Variants in INO80C observed in about 807,000 individuals in gnomAD.
INO80C encodes the protein INO80 complex subunit C.
A neutral mutation model predicts 17.7 loss-of-function variants in INO80C; 17 were observed. That is an observed-to-expected ratio of 0.96 (90% CI 0.66 to 1.44). The LOEUF is 1.44. Among genes scored for constraint, INO80C ranks in the 40% most tolerant of loss-of-function variants. The pLI, the probability that INO80C is intolerant of heterozygous loss-of-function variation, is 0.00. For missense variants in INO80C, 244 were observed against 245.0 expected (o/e 1.00, Z 0.03); for synonymous variants, 96 against 95.8 (o/e 1.00, Z -0.01).
intron 4 of INO80C, among the ~76,000 whole-genome samples, chr18:35,476,499 G>A (rs932393223): frequency 2.6e-5 from 4 of 152,054 alleles, no homozygotes; most frequent in Non-Finnish European, 4.4e-5. Flanking sequence ...TATTGTCTCC[G>A]TTTTTCATAA....
intron 1 of INO80C, among the ~76,000 whole-genome samples, chr18:35,483,261 G>A (rs2045835472): frequency 6.6e-6 from 1 of 151,970 alleles, no homozygotes; most frequent in Non-Finnish European, 1.5e-5. Flanking sequence ...TGTACTCTGG[G>A]AGACCCAGTC....
At chr18:35,490,100 C>G (rs1303790950) in intron 1 of INO80C, among the ~76,000 whole-genome samples, 1 of 152,080 alleles carries the variant, frequency 6.6e-6, no homozygotes. Flanking sequence ...GAAGGTGGAG[C>G]TGGCATGCAG....
chr18:35,479,359 T>C lies in INO80C; in HGVS notation c.320A>G (p.Asn107Ser). 1 of 1,614,162 alleles carries C rather than the reference T, an allele frequency of 6.2e-7. No individual in the cohort carries two copies. The highest frequency in any genetic ancestry group is 8.5e-7 in the Non-Finnish European group (1 of 1,180,012). The change falls in exon 3 of 5, where the codon AAC becomes AGC. Residue 107 changes from asparagine to serine, a missense_variant. By Grantham distance (46) the Asn-to-Ser change is conservative. Coordinates refer to ENST00000334598, the MANE Select transcript of INO80C (RefSeq NM_194281.4). ...VAGKKNRTWK[N>S]LKQILASERA... ...TTCAGAAGCGAGGATTTGTTTCAGG[T>C]TCTTCCAGGTTCTGTTCTTCTTGCC...
In INO80C at chr18:35,471,778, C is replaced by G. The variant is rs566367159; in HGVS notation, c.448-3036G>C. Among the ~76,000 whole-genome samples the G allele has an allele frequency of 1.6e-4, 23 of 148,066 alleles. No homozygotes were observed. The East Asian group carries it at 3.3e-3, about 22-fold the overall frequency. On this transcript the variant is annotated intron_variant, in intron 4 of 4. Coordinates refer to ENST00000334598, the MANE Select transcript of INO80C (RefSeq NM_194281.4). ...CCTCCCTGCACCCCACAACATTCCC[C>G]GGAGTGTGATGTTCCCCTTCCTGTG...
At chr18:35,477,281 AC>A (rs1567980898) in intron 4 of INO80C, among the ~76,000 whole-genome samples, 8 of 152,188 alleles carry the variant, frequency 5.3e-5, no homozygotes, top group African/African-American at 1.4e-4. Flanking sequence ...TATACCATCC[AC>A]ACATGAACGA....
At position 35,497,864 on chromosome 18, in the gene INO80C, T is replaced by G; in HGVS notation, c.11A>C (p.Gln4Pro). The change falls in exon 1 of 5, where the codon CAA becomes CCA. Residue 4 changes from glutamine (Q) to proline (P), a missense_variant. Physicochemically the swap from Gln to Pro is moderately conservative, Grantham distance 76. Transcript: ENST00000334598. MAA[Q>P]IPIVATTSTP... The stretch of plus-strand genomic sequence containing the variant: ...GGAAGTGGTGGCCACAATTGGAATT[T>G]GCGCCGCCATCGCACTCCGAGTCTT... 1 of 1,571,754 alleles carries G rather than the reference T, an allele frequency of 6.4e-7. No homozygotes were observed. The highest frequency in any genetic ancestry group is 8.6e-7 in the Non-Finnish European group (1 of 1,156,336).
intron 4 of INO80C, among the ~76,000 whole-genome samples, chr18:35,474,296 C>T (rs947748268): frequency 7.0e-6 from 1 of 142,164 alleles, no homozygotes; most frequent in Non-Finnish European, 1.5e-5. Context: ...GAACCAGACC[C>T]GAATATGATG....
At chr18:35,475,772 A>T (rs536594298) in intron 4 of INO80C, among the ~76,000 whole-genome samples, 15 of 152,320 alleles carry the variant, frequency 9.8e-5, no homozygotes, top group African/African-American at 2.4e-4. Context: ...AAGCACAGTA[A>T]ATTGTTCCAG....
At chr18:35,472,141 T>C (rs182846662) in intron 4 of INO80C, among the ~76,000 whole-genome samples, 68 of 152,328 alleles carry the variant, frequency 4.5e-4, no homozygotes, top group African/African-American at 1.5e-3. Context: ...CTGGGTCAAA[T>C]GGTATTTCTA....
chr18:35,496,296 A>C (rs139308135), intron 1 of INO80C, among the ~76,000 whole-genome samples: 36 of 152,374 alleles, frequency 2.4e-4, no homozygotes, highest in African/African-American at 8.2e-4. Context: ...CAGATGTACT[A>C]AACGACTCTC....
At chr18:35,491,694 T>C (rs374889253) in intron 1 of INO80C, among the ~76,000 whole-genome samples, 1 of 152,250 alleles carries the variant, frequency 6.6e-6, no homozygotes, top group East Asian at 1.9e-4. Context: ...GACAGACCTT[T>C]AGTCAAAGGG....
At chr18:35,489,377 A>G (rs1421535487) in intron 1 of INO80C, 7 of 260,078 alleles carry the variant, frequency 2.7e-5, no homozygotes, top group South Asian at 7.2e-5. Flanking sequence ...TGGAAGGCGA[A>G]AGGCACGTCT....
chr18:35,473,606 A>C (rs1162619931), intron 4 of INO80C, among the ~76,000 whole-genome samples: 1 of 152,170 alleles, frequency 6.6e-6, no homozygotes, highest in East Asian at 1.9e-4. Flanking sequence ...AGTGGTTAAG[A>C]GGGAAAGAGA....
At chr18:35,492,611 G>C (rs2045943300) in intron 1 of INO80C, among the ~76,000 whole-genome samples, 1 of 152,142 alleles carries the variant, frequency 6.6e-6, no homozygotes, top group African/African-American at 2.4e-5. Flanking sequence ...AGGATTTGTT[G>C]AATTTTTACT....
intron 1 of INO80C, among the ~76,000 whole-genome samples, chr18:35,480,912 G>C (rs866606312): frequency 6.6e-6 from 1 of 152,330 alleles, no homozygotes; most frequent in Middle Eastern, 3.4e-3. Flanking sequence ...AGAAAACTGA[G>C]GCCCAGGGGA....
chr18:35,480,404 T>G, intron 2 of INO80C, 49 bp downstream of exon 2: 13 of 1,262,280 alleles, frequency 1.0e-5, no homozygotes, highest in African/African-American at 1.5e-5. Context: ...GATCAGAGGC[T>G]GAGGTGTGGC....
In INO80C at chr18:35,468,720, C is replaced by G. The variant is rs759530021; in HGVS notation, c.470G>C (p.Ser157Thr). The change falls in exon 5 of 5, where the codon AGC becomes ACC. Residue 157 changes from serine (S) to threonine (T), a missense_variant. Coordinates refer to ENST00000334598, the MANE Select transcript of INO80C (RefSeq NM_194281.4). ...GLLANYTDPQSKLRFSTIEEF... is the reference protein window; with the variant it reads ...GLLANYTDPQTKLRFSTIEEF... Reference sequence around the variant, plus strand: ...TTCAATGGTGCTGAACCGCAGTTTGCTCTGGGGGTCTGTGTAGTTGGCCTG... The same window carrying G: ...TTCAATGGTGCTGAACCGCAGTTTGGTCTGGGGGTCTGTGTAGTTGGCCTG... 6.2e-7 allele frequency: 1 copy of G among 1,614,160 alleles called. No individual in the cohort carries two copies.
chr18:35,482,029 C>G (rs1317733365), intron 1 of INO80C, among the ~76,000 whole-genome samples: 3 of 152,138 alleles, frequency 2.0e-5, no homozygotes. Context: ...TGTTCGTGGA[C>G]GTTCGGTTCA....
intron 4 of INO80C, among the ~76,000 whole-genome samples, chr18:35,469,913 CAT>C (rs1024208194): frequency 5.3e-5 from 8 of 152,198 alleles, no homozygotes; most frequent in Non-Finnish European, 1.2e-4. Context: ...GTTTCCCAGA[CAT>C]ATCAAAATTC....
Sources: allele counts gnomAD v4.1 joint callset (sites outside exome capture counted in the v4.1 genomes callset), GRCh38; gene constraint gnomAD v4.1.1; transcripts MANE v1.5; gene names NCBI Gene and HGNC (gene_info 2026-07-23, HGNC 2026-07-21).